Variants in ERBB4 observed in about 807,000 individuals in gnomAD.
ERBB4 encodes the protein erb-b2 receptor tyrosine kinase 4.
A neutral mutation model predicts 158.0 loss-of-function variants in ERBB4; 42 were observed. The observed-to-expected ratio is 0.27, with a 90% confidence interval of 0.21 to 0.34. ERBB4 has a LOEUF of 0.34. Among genes scored for constraint, ERBB4 ranks in the 10% least tolerant of loss-of-function variants. The probability of loss-of-function intolerance (pLI) is 1.00; values close to 1 mark genes in which losing one functional copy is unlikely to be tolerated. For missense variants in ERBB4, 1,333 were observed against 1,624.1 expected, an observed-to-expected ratio of 0.82 and a Z score of 3.08; for synonymous variants, 583 against 558.7, an observed-to-expected ratio of 1.04 and a Z score of -0.61.
intron 20 of ERBB4, among the ~76,000 whole-genome samples, chr2:211,484,457 C>T (rs2065156921): frequency 2.0e-5 from 3 of 151,710 alleles, no homozygotes; most frequent in Non-Finnish European, 4.4e-5. Context: ...ATCCTGCCTA[C>T]AAGAAACCCA....
intron 16 of ERBB4, among the ~76,000 whole-genome samples, chr2:211,635,110 T>A (rs1344312521): frequency 1.3e-5 from 2 of 152,190 alleles, no homozygotes; most frequent in Non-Finnish European, 2.9e-5. Flanking sequence ...AATTTTTTTG[T>A]CTTGTCTTTT....
At chr2:211,745,702 C>A (rs946248870) in intron 5 of ERBB4, among the ~76,000 whole-genome samples, 1 of 146,516 alleles carries the variant, frequency 6.8e-6, no homozygotes, top group Non-Finnish European at 1.5e-5. Flanking sequence ...GTGCCCCCCA[C>A]CCTCCACCGC....
intron 20 of ERBB4, among the ~76,000 whole-genome samples, chr2:211,527,745 T>C (rs907301139): frequency 2.2e-4 from 34 of 152,190 alleles, no homozygotes; most frequent in African/African-American, 7.5e-4. Context: ...ATTAGTTTTC[T>C]TTTTGTTTGT....
intron 1 of ERBB4, among the ~76,000 whole-genome samples, chr2:212,474,822 C>CCTTTTTTTTTTTTTTTTTTTTTT (rs1689295723): frequency 3.2e-5 from 3 of 94,412 alleles, no homozygotes; most frequent in African/African-American, 1.8e-4. Flanking sequence ...CCCGGCCATT[C>CCTTTTTTTTTTTTTTTTTTTTTT]TTTTTTTTTT....
chr2:211,390,101 G>A (rs189744813), intron 25 of ERBB4, among the ~76,000 whole-genome samples: 1 of 152,268 alleles, frequency 6.6e-6, no homozygotes, highest in African/African-American at 2.4e-5. Context: ...TGATAGTACA[G>A]GAAATATGGA....
intron 3 of ERBB4, among the ~76,000 whole-genome samples, chr2:211,901,266 T>C (rs2079227942): frequency 6.6e-6 from 1 of 152,168 alleles, no homozygotes; most frequent in African/African-American, 2.4e-5. Flanking sequence ...TCTTCACCTG[T>C]AATGGCATTT....
At chr2:212,022,480 A>G (rs1009718889) in intron 2 of ERBB4, among the ~76,000 whole-genome samples, 1 of 152,120 alleles carries the variant, frequency 6.6e-6, no homozygotes. Context: ...GGAGCTGAAC[A>G]ATGAAAACAC....
At chr2:211,446,187 G>A (rs1440810582) in intron 20 of ERBB4, among the ~76,000 whole-genome samples, 1 of 152,182 alleles carries the variant, frequency 6.6e-6, no homozygotes, top group African/African-American at 2.4e-5. Context: ...CACCAGCACA[G>A]CAGGTGTCCA....
At chr2:211,644,941 T>A (rs1234948839) in intron 16 of ERBB4, among the ~76,000 whole-genome samples, 1 of 151,956 alleles carries the variant, frequency 6.6e-6, no homozygotes, top group Non-Finnish European at 1.5e-5. Flanking sequence ...ATCATGCCAA[T>A]TGAGTTTATG....
intron 2 of ERBB4, among the ~76,000 whole-genome samples, chr2:212,096,769 A>C (rs1194095884): frequency 6.6e-6 from 1 of 152,170 alleles, no homozygotes; most frequent in Non-Finnish European, 1.5e-5. Flanking sequence ...GGATAAGAAA[A>C]TGTGGGATGA....
chr2:211,685,333 G>A (rs773330781), intron 12 of ERBB4, among the ~76,000 whole-genome samples: 10 of 152,084 alleles, frequency 6.6e-5, no homozygotes, highest in East Asian at 5.8e-4. Flanking sequence ...CTTAGGGTTC[G>A]TTTATTTGCT....
intron 12 of ERBB4, among the ~76,000 whole-genome samples, chr2:211,699,753 T>A (rs754683555): frequency 1.3e-5 from 2 of 152,146 alleles, no homozygotes; most frequent in Non-Finnish European, 2.9e-5. Context: ...CCAAGAAGCA[T>A]AACACTGAAA....
chr2:212,232,976 T>C (rs1378030606), intron 1 of ERBB4, among the ~76,000 whole-genome samples: 1 of 152,136 alleles, frequency 6.6e-6, no homozygotes, highest in Non-Finnish European at 1.5e-5. Context: ...CTAGACAGAA[T>C]TGGAAGAGAT....
chr2:212,202,574 C>G (rs536821971), intron 1 of ERBB4, among the ~76,000 whole-genome samples: 2 of 152,068 alleles, frequency 1.3e-5, no homozygotes, highest in African/African-American at 2.4e-5. Context: ...TCCCTAGGTT[C>G]AAGGAGTCCT....
intron 27 of ERBB4, among the ~76,000 whole-genome samples, chr2:211,386,120 A>G (rs2062679476): frequency 6.6e-6 from 1 of 152,204 alleles, no homozygotes; most frequent in South Asian, 2.1e-4. Flanking sequence ...TCATTTTTTA[A>G]TAACAATCAT....
intron 19 of ERBB4, among the ~76,000 whole-genome samples, chr2:211,567,421 A>C (rs1010619482): frequency 1.3e-5 from 2 of 152,178 alleles, no homozygotes; most frequent in Non-Finnish European, 2.9e-5. Flanking sequence ...CTTACAGGTA[A>C]ACTGTCATCA....
chr2:212,461,345 C>A (rs192018118), intron 1 of ERBB4, among the ~76,000 whole-genome samples: 110 of 152,294 alleles, frequency 7.2e-4, no homozygotes, highest in African/African-American at 2.5e-3. Flanking sequence ...CCATGGGAAC[C>A]CACCTCTTGC....
chr2:212,309,445 C>T (rs1346695644), intron 1 of ERBB4, among the ~76,000 whole-genome samples: 1 of 150,680 alleles, frequency 6.6e-6, no homozygotes, highest in Non-Finnish European at 1.5e-5. Flanking sequence ...AGTCCTTTTT[C>T]ATGTTTAAAA....
chr2:212,088,300 A>T (rs773433817), intron 2 of ERBB4, among the ~76,000 whole-genome samples: 4 of 152,162 alleles, frequency 2.6e-5, no homozygotes, highest in Non-Finnish European at 4.4e-5. Flanking sequence ...TAGGACATGA[A>T]GGAAATTTTA....
Sources: allele counts gnomAD v4.1 joint callset (sites outside exome capture counted in the v4.1 genomes callset), GRCh38; gene constraint gnomAD v4.1.1; transcripts MANE v1.5; gene names NCBI Gene and HGNC (gene_info 2026-07-23, HGNC 2026-07-21).